Variants in USP22 observed in about 807,000 individuals in gnomAD.
USP22 encodes ubiquitin specific peptidase 22.
Under a neutral mutation model 68.1 loss-of-function variants are expected in USP22, and 22 were observed. That is an observed-to-expected ratio of 0.32 (90% CI 0.23 to 0.46). USP22 has a LOEUF of 0.46. Ranked by LOEUF, USP22 falls within the 20% of genes least tolerant of loss-of-function variation. USP22 has a pLI of 1.00. For missense variants in USP22, 433 were observed against 695.8 expected, an observed-to-expected ratio of 0.62 and a Z score of 4.25; for synonymous variants, 279 against 274.2, an observed-to-expected ratio of 1.02 and a Z score of -0.17.
chr17:21,007,004 G>T lies in USP22; in HGVS notation c.1231-17C>A, dbSNP rs76025118. ...TTCAAATCGCTGCAGAAATAGGAAG[G>T]GGACAGAGGGAAGAGGAAAGAAGAT... On this transcript the variant is annotated splice_polypyrimidine_tract_variant and intron_variant, in intron 9 of 12. Transcript: ENST00000261497. 4 of 1,576,808 alleles carry T rather than the reference G, an allele frequency of 2.5e-6. No homozygotes were observed. Among genetic ancestry groups the T allele is most frequent in the East Asian group, 2.3e-5 (1 of 43,012 alleles).
At chr17:21,036,147 T>A (rs1017821040) in intron 1 of USP22, among the ~76,000 whole-genome samples, 3 of 147,692 alleles carry the variant, frequency 2.0e-5, no homozygotes, top group Non-Finnish European at 4.4e-5. Context: ...ATGAACCCAA[T>A]GATATGACAT....
chr17:21,022,277 C>T lies in USP22; in HGVS notation c.305-1051G>A, dbSNP rs1046455396. Among the ~76,000 whole-genome samples the T allele has an allele frequency of 6.0e-5, 9 of 149,022 alleles. No individual in the cohort carries two copies. The East Asian group carries it at 1.5e-3, about 25-fold the overall frequency. The stretch of plus-strand genomic sequence containing the variant: ...TTTCGTGTCGTTTGAACTTTCTAAT[C>T]GTGTGCATGTCCAGTTTTTAATTGT... On this transcript the variant is annotated intron_variant, in intron 2 of 12. Coordinates refer to ENST00000261497, the MANE Select transcript of USP22 (RefSeq NM_015276.2).
Position 21,002,029 on chromosome 17 carries a change from A to T in USP22, c.*1002T>A, listed in dbSNP as rs1913599719. 6.6e-6 allele frequency: 1 copy of T among 152,274 alleles called. No individual in the cohort carries two copies. Among genetic ancestry groups the T allele is most frequent in the South Asian group, 2.1e-4 (1 of 4,828 alleles). 9.4% of individuals were successfully genotyped at this position (152,274 alleles called of 1,614,324 possible). ...CGACCAACACCCTTGGCTGCCAGGC[A>T]GCGGTAGCCAGGCAATGGGATAGAA... On this transcript the variant is annotated 3_prime_UTR_variant, in exon 13 of 13. Coordinates refer to ENST00000261497, the MANE Select transcript of USP22 (RefSeq NM_015276.2).
rs1292628385 is a variant in USP22, at chr17:21,021,199, T to C, written c.332A>G (p.Tyr111Cys). 1.2e-6 allele frequency: 2 copies of C among 1,613,782 alleles called. No individual in the cohort carries two copies. The highest frequency in any genetic ancestry group is 8.5e-7 in the Non-Finnish European group (1 of 1,179,732). ...LAIDLMYGGI[Y>C]CFLCQDYIYD... ...GATGTAGTCCTGGCACAGAAAACAG[T>C]AGATGCCTCCGTACATCAGATCAAT... Residue 111 changes from tyrosine to cysteine, a missense_variant, in exon 3 of 13, where the codon TAC (tyrosine) becomes TGC (cysteine). Tyr to Cys is a radical substitution (Grantham distance 194, BLOSUM62 -2). This residue lies in a region of USP22 where 144 missense variants were observed against 237.2 expected (regional missense o/e 0.61). Transcript: ENST00000261497.
intron 4 of USP22, 133 bp from the exon 5 acceptor site, chr17:21,018,244 A>G: frequency 1.2e-6 from 1 of 828,362 alleles, no homozygotes; most frequent in South Asian, 2.0e-5. Flanking sequence ...ACACGATGAG[A>G]TATCGCATTC....
intron 1 of USP22, among the ~76,000 whole-genome samples, chr17:21,030,445 A>C (rs930466152): frequency 6.6e-6 from 1 of 152,140 alleles, no homozygotes; most frequent in Non-Finnish European, 1.5e-5. Context: ...GAGGCAATAG[A>C]TATATACAGT....
chr17:21,020,568 C>T (rs1381806618), intron 3 of USP22, among the ~76,000 whole-genome samples: 1 of 152,192 alleles, frequency 6.6e-6, no homozygotes, highest in African/African-American at 2.4e-5. Context: ...TTTAACATCA[C>T]CCAAACAGTC....
chr17:21,025,340 T>A (rs1000296580), intron 2 of USP22, among the ~76,000 whole-genome samples: 1 of 152,124 alleles, frequency 6.6e-6, no homozygotes, highest in African/African-American at 2.4e-5. Flanking sequence ...CATTTCACAC[T>A]ATTATGGGTA....
chr17:21,005,016 G>T, intron 10 of USP22, 26 bp from the exon 11 acceptor site: 1 of 1,613,056 alleles, frequency 6.2e-7, no homozygotes, highest in Non-Finnish European at 8.5e-7. Context: ...GCAGGATTCA[G>T]CATCATTAAA....
chr17:21,042,685 C>T lies in USP22; in HGVS notation c.151G>A (p.Ala51Thr). 1 of 1,346,976 alleles carries T rather than the reference C, an allele frequency of 7.4e-7. No homozygotes were observed. The highest frequency in any genetic ancestry group is 1.7e-5 in the South Asian group (1 of 57,354). 83.4% of individuals were successfully genotyped at this position (1,346,976 alleles called of 1,614,324 possible). ...CGCACCTTGCGCTTGCGGGCCTCAG[C>T]CGTGCCGCTCCACACGAAGCACTGG... ...IYQCFVWSGT[A>T]EARKRKAKSC... is the part of the protein sequence containing the mutation. Residue 51 changes from alanine (A) to threonine (T), a missense_variant, in exon 1 of 13, where the codon GCT becomes ACT. Ala to Thr is a moderately conservative substitution (Grantham distance 58). Coordinates refer to ENST00000261497, the MANE Select transcript of USP22 (RefSeq NM_015276.2).
rs894594311 is a variant in USP22 at position 21,002,580 on chromosome 17, A to C, written c.*451T>G. On this transcript the variant is annotated 3_prime_UTR_variant, in exon 13 of 13. Coordinates refer to ENST00000261497, the MANE Select transcript of USP22 (RefSeq NM_015276.2). ...ATTTTAACACTAAAACACCAACAGAAAGGCATCTGCAAGGCCCTCTGTCCC... is the reference window on the plus strand; with the variant it reads ...ATTTTAACACTAAAACACCAACAGACAGGCATCTGCAAGGCCCTCTGTCCC... The C allele has an allele frequency of 1.0e-4, 17 of 165,852 alleles. No individual in the cohort carries two copies. Among genetic ancestry groups the C allele is most frequent in the Admixed American group, 2.9e-4 (5 of 17,078 alleles). 10.3% of individuals were successfully genotyped at this position (165,852 alleles called of 1,614,324 possible).
In USP22 at chr17:21,012,953, C is replaced by T. The variant is rs1365198452; in HGVS notation, c.839-18G>A. ...GTCATCACCTGGAGACAGACCACGG[C>T]TCTGGGATTAGTGTCTCCCCAAATA... On this transcript the variant is annotated intron_variant, in intron 6 of 12. Coordinates refer to ENST00000261497, the MANE Select transcript of USP22 (RefSeq NM_015276.2). The T allele has an allele frequency of 2.5e-6, 4 of 1,611,166 alleles. No individual in the cohort carries two copies. Among genetic ancestry groups the T allele is most frequent in the Admixed American group, 1.7e-5 (1 of 59,972 alleles).
intron 1 of USP22, among the ~76,000 whole-genome samples, chr17:21,033,947 C>T (rs978238061): frequency 2.0e-5 from 3 of 152,002 alleles, no homozygotes; most frequent in Non-Finnish European, 4.4e-5. Context: ...TGAGGTTTCA[C>T]CATGTTGGCC....
chr17:21,014,576 C>A (rs1196682055), intron 6 of USP22, among the ~76,000 whole-genome samples: 1 of 152,108 alleles, frequency 6.6e-6, no homozygotes, highest in Non-Finnish European at 1.5e-5. Flanking sequence ...CCAAAACCAG[C>A]CATTTTAGCT....
intron 2 of USP22, among the ~76,000 whole-genome samples, chr17:21,026,637 T>C (rs1009365877): frequency 1.1e-4 from 17 of 148,648 alleles, no homozygotes; most frequent in African/African-American, 3.9e-4. Context: ...ATCTCACTTC[T>C]TTAAAAAAAA....
At chr17:21,009,701 T>C (rs1913889910) in intron 8 of USP22, among the ~76,000 whole-genome samples, 1 of 152,196 alleles carries the variant, frequency 6.6e-6, no homozygotes, top group African/African-American at 2.4e-5. Context: ...ACACCTGTAA[T>C]CCCAGCACTT....
At chr17:21,004,071 TTC>T in intron 12 of USP22, 129 bp downstream of exon 12, 1 of 1,315,362 alleles carries the variant, frequency 7.6e-7, no homozygotes, top group Non-Finnish European at 1.0e-6. Context: ...CAGAACAGGC[TTC>T]ATTACTTCGG....
chr17:21,007,767 C>T lies in USP22; in HGVS notation c.1230+103G>A, dbSNP rs967571998. Reference sequence around the variant, plus strand: ...TCCTCGGTGTTCTTCCTGCTTGCTGCAATTATAAAAAATGTAACTGCACAG... The same window carrying T: ...TCCTCGGTGTTCTTCCTGCTTGCTGTAATTATAAAAAATGTAACTGCACAG... On this transcript the variant is annotated intron_variant, in intron 9 of 12. Coordinates refer to ENST00000261497, the MANE Select transcript of USP22 (RefSeq NM_015276.2). 19 of 1,424,570 alleles carry T rather than the reference C, an allele frequency of 1.3e-5. No individual in the cohort carries two copies. The African/African-American group carries it at 2.6e-4, about 19-fold the overall frequency. 88.2% of individuals were successfully genotyped at this position (1,424,570 alleles called of 1,614,324 possible).
intron 2 of USP22, among the ~76,000 whole-genome samples, chr17:21,026,250 C>T (rs1329633579): frequency 6.6e-6 from 1 of 152,204 alleles, no homozygotes; most frequent in East Asian, 1.9e-4. Flanking sequence ...TGACAGCTTC[C>T]AGATGTCCAT....
Sources: allele counts gnomAD v4.1 joint callset (sites outside exome capture counted in the v4.1 genomes callset), GRCh38; gene constraint gnomAD v4.1.1; regional missense constraint gnomAD v4.1.1; transcripts MANE v1.5; gene names NCBI Gene and HGNC (gene_info 2026-07-23, HGNC 2026-07-21).